Variants in DTNB observed in about 807,000 individuals in gnomAD.
DTNB encodes dystrobrevin beta, also known as DTN-B.
DTNB carries 63 observed loss-of-function variants against 90.7 expected under a neutral mutation model. The observed-to-expected ratio is 0.69, with a 90% confidence interval of 0.57 to 0.86. The LOEUF (loss-of-function observed/expected upper bound fraction) is 0.86, where lower values mean the gene tolerates loss of function less well. DTNB is among the 40% of genes least tolerant of loss of function. The probability of loss-of-function intolerance (pLI) is 0.00; values close to 1 mark genes in which losing one functional copy is unlikely to be tolerated. For missense variants in DTNB, 744 were observed against 807.1 expected, an observed-to-expected ratio of 0.92 and a Z score of 0.95; for synonymous variants, 277 against 286.7, an observed-to-expected ratio of 0.97 and a Z score of 0.34.
At chr2:25,590,402 T>C (rs1241915514) in intron 6 of DTNB, among the ~76,000 whole-genome samples, 1 of 152,096 alleles carries the variant, frequency 6.6e-6, no homozygotes, top group East Asian at 1.9e-4. Context: ...AATAGAACAG[T>C]TCGGAGGAGA....
chr2:25,572,498 C>A (rs1029733267), intron 8 of DTNB, among the ~76,000 whole-genome samples: 4 of 151,766 alleles, frequency 2.6e-5, no homozygotes, highest in Admixed American at 2.6e-4. Flanking sequence ...CTGCACCGTC[C>A]CTTCCTGCTC....
intron 8 of DTNB, among the ~76,000 whole-genome samples, chr2:25,576,223 T>G (rs999311145): frequency 1.4e-5 from 2 of 141,284 alleles, no homozygotes; most frequent in Admixed American, 7.0e-5. Context: ...ACAGTTTTGT[T>G]TTTTTTTTTT....
intron 7 of DTNB, 38 bp from the exon 8 acceptor site, chr2:25,577,042 G>A (rs192420435): frequency 2.5e-4 from 389 of 1,543,316 alleles, no homozygotes; most frequent in Non-Finnish European, 3.2e-4. Context: ...AAAAAGGGCA[G>A]GAGGGAAGGG....
At chr2:25,417,543 G>A (rs1484922674) in intron 16 of DTNB, among the ~76,000 whole-genome samples, 2 of 152,238 alleles carry the variant, frequency 1.3e-5, no homozygotes, top group African/African-American at 4.8e-5. Context: ...AGAGTTTTCA[G>A]GTGAGGTGTC....
At chr2:25,410,454 C>A (rs1175613969) in intron 16 of DTNB, among the ~76,000 whole-genome samples, 1 of 152,092 alleles carries the variant, frequency 6.6e-6, no homozygotes, top group Non-Finnish European at 1.5e-5. Context: ...ATCCCCACCA[C>A]GCAAGACAGG....
intron 6 of DTNB, among the ~76,000 whole-genome samples, chr2:25,586,601 T>C (rs1345288329): frequency 6.6e-6 from 1 of 151,162 alleles, no homozygotes; most frequent in Non-Finnish European, 1.5e-5. Context: ...TCACTGGGGA[T>C]GGAAAGCTGA....
In DTNB at chr2:25,379,361, C is replaced by T. The variant is rs1248323407; in HGVS notation, c.1880-38G>A. 6.9e-6 allele frequency: 9 copies of T among 1,309,718 alleles called. No homozygotes were observed. The South Asian group carries it at 9.6e-5, about 14-fold the overall frequency. 81.1% of individuals were successfully genotyped at this position (1,309,718 alleles called of 1,614,324 possible). ...GGGCAGAAACAACACACTGAGGTCA[C>T]GGCCAGGTCTTCTCATGCCCCAGAC... On this transcript the variant is annotated intron_variant, in intron 19 of 20. Transcript: ENST00000406818.
intron 8 of DTNB, among the ~76,000 whole-genome samples, chr2:25,558,725 T>C (rs965410248): frequency 2.6e-5 from 4 of 152,200 alleles, no homozygotes; most frequent in Non-Finnish European, 4.4e-5. Flanking sequence ...AAATCGTGCA[T>C]GCAAACAACA....
chr2:25,574,123 T>C (rs1182682944), intron 8 of DTNB, among the ~76,000 whole-genome samples: 3 of 152,204 alleles, frequency 2.0e-5, no homozygotes, highest in Admixed American at 6.5e-5. Flanking sequence ...ACACGAAGGC[T>C]GAAAAGTGTA....
intron 12 of DTNB, among the ~76,000 whole-genome samples, chr2:25,448,970 C>T (rs987218193): frequency 1.3e-5 from 2 of 151,966 alleles, no homozygotes; most frequent in African/African-American, 2.4e-5. Flanking sequence ...AAAGTTTCCT[C>T]GTCTCTCTTC....
Position 25,580,751 on chromosome 2 carries a change from G to C in DTNB, c.679C>G (p.Leu227Val), listed in dbSNP as rs111695014. The C allele has an allele frequency of 6.6e-5, 106 of 1,613,528 alleles. No individual in the cohort carries two copies. The African/African-American group carries it at 9.5e-4, about 14-fold the overall frequency. Residue 227 changes from leucine (L) to valine (V), a missense_variant, in exon 7 of 21, where the codon CTC becomes GTC. Leu to Val is a conservative substitution (Grantham distance 32). Coordinates refer to ENST00000406818, the MANE Select transcript of DTNB (RefSeq NM_021907.5). ...TCAACATGGGCAAGCCTGTGCATGA[G>C]AGGTAGCCAGACAAGGCACTGGGGA... ...PPPQCLVWLP[L>V]MHRLAHVENV...
intron 3 of DTNB, among the ~76,000 whole-genome samples, chr2:25,636,515 G>A (rs1187530523): frequency 6.6e-6 from 1 of 152,114 alleles, no homozygotes; most frequent in African/African-American, 2.4e-5. Flanking sequence ...AACGAGAGTT[G>A]TTCTAAGGCA....
intron 1 of DTNB, among the ~76,000 whole-genome samples, chr2:25,659,893 GA>G (rs139523692): frequency 6.6e-6 from 1 of 151,766 alleles, no homozygotes; most frequent in Non-Finnish European, 1.5e-5. Flanking sequence ...AACAAAGGCA[GA>G]AAAAAAGGAA....
At chr2:25,437,817 G>T (rs189861603) in intron 12 of DTNB, among the ~76,000 whole-genome samples, 1 of 152,196 alleles carries the variant, frequency 6.6e-6, no homozygotes, top group East Asian at 1.9e-4. Context: ...CCTACTATGT[G>T]CCAGGCACTG....
At chr2:25,471,423 C>T (rs556568241) in intron 10 of DTNB, among the ~76,000 whole-genome samples, 1 of 150,202 alleles carries the variant, frequency 6.7e-6, no homozygotes, top group Admixed American at 6.6e-5. Flanking sequence ...GAGTCTCACT[C>T]ACTCTGTTGC....
intron 12 of DTNB, among the ~76,000 whole-genome samples, chr2:25,443,455 C>T (rs560509581): frequency 4.3e-4 from 65 of 152,276 alleles, no homozygotes; most frequent in African/African-American, 1.5e-3. Flanking sequence ...CAAGGGATGC[C>T]GACACAGTCA....
chr2:25,495,478 A>C (rs1269112594), intron 9 of DTNB, among the ~76,000 whole-genome samples: 1 of 152,198 alleles, frequency 6.6e-6, no homozygotes, highest in African/African-American at 2.4e-5. Flanking sequence ...CAGTTTTCTT[A>C]TTATTCCATT....
chr2:25,548,702 C>T (rs2082969196), intron 8 of DTNB, among the ~76,000 whole-genome samples: 5 of 152,100 alleles, frequency 3.3e-5, no homozygotes, highest in Admixed American at 3.3e-4. Flanking sequence ...CCTTCTATGC[C>T]ACTGTAAGGA....
intron 8 of DTNB, among the ~76,000 whole-genome samples, chr2:25,565,302 T>C (rs571795692): frequency 9.9e-5 from 15 of 152,260 alleles, no homozygotes; most frequent in African/African-American, 3.6e-4. Flanking sequence ...AGTGATGCAA[T>C]CATAACTTAC....
Sources: gnomAD v4.1 joint callset for allele counts (sites outside exome capture counted in the v4.1 genomes callset) on GRCh38, gnomAD v4.1.1 for gene constraint, MANE v1.5 for transcripts, NCBI Gene and HGNC (gene_info 2026-07-23, HGNC 2026-07-21) for gene names.